Variants in XRN1 observed in about 807,000 individuals in gnomAD.
XRN1 encodes 5'-3' exoribonuclease 1.
A neutral mutation model predicts 222.3 loss-of-function variants in XRN1; 67 were observed. The observed-to-expected ratio is 0.30, with a 90% confidence interval of 0.25 to 0.37. The LOEUF is 0.37. XRN1 is among the 10% of genes least tolerant of loss of function. The pLI, the probability that XRN1 is intolerant of heterozygous loss-of-function variation, is 1.00. For synonymous variants in XRN1, 643 were observed against 652.4 expected (o/e 0.99, Z 0.22); for missense variants, 1,707 against 2,000.2 (o/e 0.85, Z 2.80).
At chr3:142,349,535 G>A (rs2066246893) in intron 32 of XRN1, among the ~76,000 whole-genome samples, 1 of 151,538 alleles carries the variant, frequency 6.6e-6, no homozygotes, top group Admixed American at 6.6e-5. Flanking sequence ...CATTATTTTG[G>A]AGCTCTAACT....
chr3:142,403,429 AC>A (rs1412447654), intron 18 of XRN1, among the ~76,000 whole-genome samples: 1 of 152,146 alleles, frequency 6.6e-6, no homozygotes, highest in Non-Finnish European at 1.5e-5. Flanking sequence ...TCTATACTTA[AC>A]TTTTGGTTTA....
At chr3:142,443,357 G>GGCCGACTAAGAATCCCTAA (rs1411659189) in intron 1 of XRN1, among the ~76,000 whole-genome samples, 1 of 152,166 alleles carries the variant, frequency 6.6e-6, no homozygotes, top group Non-Finnish European at 1.5e-5. Context: ...ACATTTCCTA[G>GGCCGACTAAGAATCCCTAA]GCCGACTAAG....
At position 142,309,350 on chromosome 3, in the gene XRN1, A is replaced by G. The variant is rs1466650309; in HGVS notation, c.*2161T>C. 6.6e-6 allele frequency: 1 copy of G among 152,050 alleles called. No individual in the cohort carries two copies. The highest frequency in any genetic ancestry group is 1.5e-5 in the Non-Finnish European group (1 of 68,056). The allele number at this position is 152,050 out of a possible 1,614,324, so 9.4% of individuals were successfully genotyped here. ...ATGATTCTCATGCCTCAGCCTCCCG[A>G]GTAGCTGGGACTAAAGGCATGTGCC... On this transcript the variant is annotated 3_prime_UTR_variant, in exon 41 of 41. Transcript: ENST00000392981.
chr3:142,383,466 T>C, intron 21 of XRN1, 53 bp from the exon 22 acceptor site: 1 of 1,460,352 alleles, frequency 6.8e-7, no homozygotes, highest in East Asian at 2.4e-5. Context: ...AGATTGCGTA[T>C]CAAGTTTTTT....
chr3:142,406,387 A>G (rs887145012), intron 15 of XRN1, among the ~76,000 whole-genome samples: 9 of 152,232 alleles, frequency 5.9e-5, no homozygotes, highest in Admixed American at 5.2e-4. Context: ...AAGACCTTAA[A>G]CTATAAAACT....
At chr3:142,437,583 C>T (rs2069972454) in intron 1 of XRN1, among the ~76,000 whole-genome samples, 1 of 152,168 alleles carries the variant, frequency 6.6e-6, no homozygotes, top group Admixed American at 6.5e-5. Context: ...CATATCTTTA[C>T]AAGCTACTAC....
At chr3:142,351,618 A>G (rs918266071) in intron 32 of XRN1, among the ~76,000 whole-genome samples, 2 of 151,706 alleles carry the variant, frequency 1.3e-5, no homozygotes, top group African/African-American at 4.8e-5. Flanking sequence ...TTTTTAATTA[A>G]CTCCCTCCCG....
rs2065081493 is a variant in XRN1, at chr3:142,311,717, A to C, written c.4879T>G (p.Ser1627Ala). The part of the protein sequence containing the change: ...TPVQTSQPDS[S>A]NIVKVSPRES... ...CGTGGACTTACTTTGACAATGTTGG[A>C]AGAATCTGGCTGGCTAGTCTGAACT... is the stretch of plus-strand genomic sequence containing the variant. The change falls in exon 41 of 41, where the codon TCC becomes GCC. Residue 1627 changes from serine (S) to alanine (A), a missense_variant. This residue lies in a region of XRN1 where 473 missense variants were observed against 482.0 expected (regional missense o/e 0.98). Coordinates refer to ENST00000392981, the MANE Select transcript of XRN1 (RefSeq NM_001282857.2). 1 of 1,614,054 alleles carries C rather than the reference A, an allele frequency of 6.2e-7. No individual in the cohort carries two copies. Among genetic ancestry groups the C allele is most frequent in the South Asian group, 1.1e-5 (1 of 91,080 alleles).
intron 32 of XRN1, among the ~76,000 whole-genome samples, chr3:142,348,444 C>T (rs2066211041): frequency 6.6e-6 from 1 of 152,068 alleles, no homozygotes; most frequent in Non-Finnish European, 1.5e-5. Flanking sequence ...ACAGAATTAG[C>T]AAAATGGCAT....
intron 2 of XRN1, among the ~76,000 whole-genome samples, chr3:142,427,886 C>T (rs545580919): frequency 6.6e-6 from 1 of 152,212 alleles, no homozygotes; most frequent in African/African-American, 2.4e-5. Context: ...ATCTACTGTG[C>T]CCCACACAAT....
At chr3:142,410,674 T>G (rs1169804975) in intron 15 of XRN1, among the ~76,000 whole-genome samples, 3 of 151,890 alleles carry the variant, frequency 2.0e-5, no homozygotes, top group Non-Finnish European at 4.4e-5. Context: ...TTTGGTATTT[T>G]TAGTGGAGAC....
Position 142,447,645 on chromosome 3 carries a change from A to G in XRN1, c.75+225T>C, listed in dbSNP as rs1032382245. Among the ~76,000 whole-genome samples the G allele has an allele frequency of 2.2e-4, 33 of 152,226 alleles. No homozygotes were observed. Among genetic ancestry groups the G allele is most frequent in the African/African-American group, 7.7e-4 (32 of 41,460 alleles). ...GACCAGCAGAAGCAAGAGCTGTCAG[A>G]GAAGCCGTGAACCCAGCGGCTCTGT... On this transcript the variant is annotated intron_variant, in intron 1 of 40. Coordinates refer to ENST00000392981, the MANE Select transcript of XRN1 (RefSeq NM_001282857.2). The surrounding 1 kb of genome is among the most constrained non-coding windows in gnomAD (Gnocchi z 4.2).
At position 142,334,440 on chromosome 3, in the gene XRN1, G is replaced by A. The variant is rs76516748; in HGVS notation, c.3939+1008C>T. Among the ~76,000 whole-genome samples, 159 of 151,696 alleles carry A rather than the reference G, an allele frequency of 1.0e-3. 2 individuals carry two copies. In the East Asian group the frequency reaches 0.027, roughly 25 times the overall value. On this transcript the variant is annotated intron_variant, in intron 34 of 40. Transcript: ENST00000392981. ...AAAAGTACACATCTAATAAATATACGTGTCAAATTTTTTTAGATCAAAGAT... is the reference window on the plus strand; with the variant it reads ...AAAAGTACACATCTAATAAATATACATGTCAAATTTTTTTAGATCAAAGAT...
At chr3:142,388,196 C>A (rs966835891) in intron 20 of XRN1, among the ~76,000 whole-genome samples, 1 of 152,080 alleles carries the variant, frequency 6.6e-6, no homozygotes, top group African/African-American at 2.4e-5. Context: ...GCAGATGAAC[C>A]CCTCCTCTGC....
chr3:142,436,409 T>C (rs1229271980), intron 1 of XRN1, among the ~76,000 whole-genome samples: 1 of 152,200 alleles, frequency 6.6e-6, no homozygotes, highest in Non-Finnish European at 1.5e-5. Flanking sequence ...ATTCTAATTT[T>C]AGAGAAAAGT....
intron 15 of XRN1, among the ~76,000 whole-genome samples, chr3:142,408,991 T>C (rs985336402): frequency 1.3e-5 from 2 of 152,238 alleles, no homozygotes; most frequent in Non-Finnish European, 1.5e-5. Context: ...TTGTATATCT[T>C]GCCTTGTGAA....
In XRN1 at chr3:142,375,515, G is replaced by C. The variant is rs147950802; in HGVS notation, c.2978+283C>G. Among the ~76,000 whole-genome samples, 12 of 152,250 alleles carry C rather than the reference G, an allele frequency of 7.9e-5. No homozygotes were observed. In the East Asian group the frequency reaches 2.3e-3, roughly 29 times the overall value. On this transcript the variant is annotated intron_variant, in intron 25 of 40. Transcript: ENST00000392981. The stretch of plus-strand genomic sequence containing the variant: ...TATCAGTTCTCTCAGTGCTGACATA[G>C]GTATGCAAGGTAGTGAACAATGTAT...
intron 2 of XRN1, among the ~76,000 whole-genome samples, chr3:142,431,902 T>TGG: frequency 2.2e-5 from 1 of 45,050 alleles, no homozygotes; most frequent in Non-Finnish European, 3.9e-5. Flanking sequence ...AATATATATA[T>TGG]TATATATATA....
At chr3:142,445,202 T>G (rs1481072255) in intron 1 of XRN1, among the ~76,000 whole-genome samples, 1 of 152,226 alleles carries the variant, frequency 6.6e-6, no homozygotes, top group Non-Finnish European at 1.5e-5. Flanking sequence ...TCTGCATTTT[T>G]TTTTCATTTA....
Sources: gnomAD v4.1 joint callset for allele counts (sites outside exome capture counted in the v4.1 genomes callset) on GRCh38, gnomAD v4.1.1 for gene constraint, gnomAD v4.1.1 regional missense constraint, Gnocchi (gnomAD v3.1) non-coding constraint, MANE v1.5 for transcripts, NCBI Gene and HGNC (gene_info 2026-07-23, HGNC 2026-07-21) for gene names.